Variants in FAM53B observed in about 807,000 individuals in gnomAD.
FAM53B encodes the protein family with sequence similarity 53 member B.
In FAM53B, 12 loss-of-function variants were observed where a neutral mutation model predicts 32.7. The observed-to-expected ratio is 0.37, with a 90% CI of 0.24 to 0.59. FAM53B has a LOEUF of 0.59. FAM53B is among the 20% of genes least tolerant of loss of function. The pLI, the probability that FAM53B is intolerant of heterozygous loss-of-function variation, is 0.72. For missense variants in FAM53B, 477 were observed against 577.7 expected (o/e 0.83, Z 1.79); for synonymous variants, 234 against 228.7 (o/e 1.02, Z -0.21).
chr10:124,652,579 C>G (rs1949563471), intron 4 of FAM53B, among the ~76,000 whole-genome samples: 2 of 152,290 alleles, frequency 1.3e-5, no homozygotes, highest in South Asian at 2.1e-4. Context: ...GCAAGGGGTC[C>G]AAGGAGGTGA....
At chr10:124,623,812 A>C in intron 4 of FAM53B, 1 of 550,376 alleles carries the variant, frequency 1.8e-6, no homozygotes. Context: ...TCATAAAGAC[A>C]CGCGCAATTC....
intron 3 of FAM53B, among the ~76,000 whole-genome samples, chr10:124,687,466 A>G (rs1949809683): frequency 6.6e-6 from 1 of 152,220 alleles, no homozygotes; most frequent in Non-Finnish European, 1.5e-5. Flanking sequence ...TGAGAATTAA[A>G]TAGGCATCTC....
chr10:124,734,452 T>G (rs1950162785), intron 1 of FAM53B, among the ~76,000 whole-genome samples: 1 of 152,204 alleles, frequency 6.6e-6, no homozygotes, highest in African/African-American at 2.4e-5. Context: ...ACGCTCCACC[T>G]GGCAGATGAG....
intron 4 of FAM53B, 70 bp downstream of exon 4, chr10:124,681,537 C>T: frequency 1.4e-6 from 2 of 1,388,520 alleles, no homozygotes; most frequent in East Asian, 2.5e-5. Context: ...CTATGCTTGT[C>T]TAGGACGGCC....
At chr10:124,703,511 A>G (rs1468880423) in intron 2 of FAM53B, 1 of 152,522 alleles carries the variant, frequency 6.6e-6, no homozygotes, top group Non-Finnish European at 1.5e-5. Context: ...CTGCTGGCCC[A>G]CGCTATAGCG....
intron 4 of FAM53B, among the ~76,000 whole-genome samples, chr10:124,652,277 T>A (rs1949560720): frequency 6.6e-6 from 1 of 152,206 alleles, no homozygotes; most frequent in Non-Finnish European, 1.5e-5. Flanking sequence ...GCCAGGGTCT[T>A]ACCATGTGCA....
rs1417565915 is a variant in FAM53B at position 124,622,003 on chromosome 10, C to G, written c.*1239G>C. On this transcript the variant is annotated 3_prime_UTR_variant, in exon 5 of 5. Coordinates refer to ENST00000337318, the MANE Select transcript of FAM53B (RefSeq NM_014661.4). ...ACAAACCTTGAGAGGAGAGCAAACCCTCAGGGGGCTAGGCTCCTCGGATGC... is the reference window on the plus strand; with the variant it reads ...ACAAACCTTGAGAGGAGAGCAAACCGTCAGGGGGCTAGGCTCCTCGGATGC... 6.6e-6 allele frequency: 1 copy of G among 152,468 alleles called. No homozygotes were observed. Among genetic ancestry groups the G allele is most frequent in the Non-Finnish European group, 1.5e-5 (1 of 68,056 alleles). The allele number at this position is 152,468 out of a possible 1,614,324, so 9.4% of individuals were successfully genotyped here.
intron 1 of FAM53B, among the ~76,000 whole-genome samples, chr10:124,728,414 C>A (rs748482827): frequency 5.9e-5 from 9 of 152,238 alleles, no homozygotes; most frequent in Non-Finnish European, 1.2e-4. Flanking sequence ...CCTGCCCCCA[C>A]CAGGAGAGCT....
intron 4 of FAM53B, among the ~76,000 whole-genome samples, chr10:124,633,324 A>T (rs996640099): frequency 3.9e-5 from 6 of 152,194 alleles, no homozygotes; most frequent in African/African-American, 1.4e-4. Context: ...AGGGATAGGA[A>T]GACTCAACCT....
intron 4 of FAM53B, among the ~76,000 whole-genome samples, chr10:124,665,650 C>G (rs898979266): frequency 6.6e-6 from 1 of 152,198 alleles, no homozygotes; most frequent in African/African-American, 2.4e-5. Flanking sequence ...AACCAAGGCT[C>G]AGAGGATACA....
chr10:124,700,860 A>C (rs1215283921), intron 2 of FAM53B, among the ~76,000 whole-genome samples: 1 of 152,226 alleles, frequency 6.6e-6, no homozygotes, highest in Non-Finnish European at 1.5e-5. Flanking sequence ...GCTCGCGCTC[A>C]TGCCCTGCGG....
intron 4 of FAM53B, among the ~76,000 whole-genome samples, chr10:124,644,174 T>C (rs1179994647): frequency 6.6e-6 from 1 of 152,176 alleles, no homozygotes; most frequent in Non-Finnish European, 1.5e-5. Context: ...TTGCAGCTAT[T>C]TGTCTACCGC....
At chr10:124,694,526 T>TA (rs1949856023) in intron 3 of FAM53B, among the ~76,000 whole-genome samples, 1 of 152,138 alleles carries the variant, frequency 6.6e-6, no homozygotes, top group Non-Finnish European at 1.5e-5. Flanking sequence ...ATCCTTGAAA[T>TA]AAAGACCAAC....
intron 3 of FAM53B, among the ~76,000 whole-genome samples, chr10:124,690,874 G>A (rs1263018518): frequency 6.6e-6 from 1 of 152,090 alleles, no homozygotes; most frequent in African/African-American, 2.4e-5. Flanking sequence ...ACTGGTTAAT[G>A]AGCAGTCTCT....
chr10:124,666,839 G>A (rs1274346996), intron 4 of FAM53B, among the ~76,000 whole-genome samples: 1 of 152,218 alleles, frequency 6.6e-6, no homozygotes, highest in African/African-American at 2.4e-5. Flanking sequence ...ACCATGGACA[G>A]CCTGTGGGCA....
At chr10:124,667,995 C>A (rs1296596797) in intron 4 of FAM53B, among the ~76,000 whole-genome samples, 1 of 152,152 alleles carries the variant, frequency 6.6e-6, no homozygotes, top group Non-Finnish European at 1.5e-5. Flanking sequence ...AAGCCCCACA[C>A]CAGGCCCACC....
intron 2 of FAM53B, among the ~76,000 whole-genome samples, chr10:124,696,912 G>GC (rs776621353): frequency 2.6e-5 from 4 of 152,174 alleles, no homozygotes; most frequent in Admixed American, 6.5e-5. Flanking sequence ...CTTCCCTGAT[G>GC]CCCCCCGCCT....
intron 3 of FAM53B, 152 bp downstream of exon 3, chr10:124,696,006 G>C (rs968938745): frequency 3.0e-6 from 2 of 660,652 alleles, no homozygotes; most frequent in Admixed American, 2.6e-5. Flanking sequence ...GGCACCGTAG[G>C]GGACCAAAAT....
chr10:124,737,984 G>T (rs1006764782), intron 1 of FAM53B, among the ~76,000 whole-genome samples: 3 of 152,094 alleles, frequency 2.0e-5, no homozygotes, highest in Non-Finnish European at 2.9e-5. Flanking sequence ...AAAGAAGGTG[G>T]TTCAAAGGGA....
Sources: gnomAD v4.1 joint callset for allele counts (sites outside exome capture counted in the v4.1 genomes callset) on GRCh38, gnomAD v4.1.1 for gene constraint, MANE v1.5 for transcripts, NCBI Gene and HGNC (gene_info 2026-07-23, HGNC 2026-07-21) for gene names.